SUCLG2: variants seen among roughly 807,000 people sequenced by gnomAD.
SUCLG2 encodes the protein succinate-CoA ligase GDP-forming subunit beta.
In SUCLG2, 42 loss-of-function variants were observed where a neutral mutation model predicts 47.9. That is an observed-to-expected ratio of 0.88 (90% CI 0.69 to 1.14). The LOEUF (loss-of-function observed/expected upper bound fraction) is 1.14. Among genes scored for constraint, SUCLG2 ranks in the 50% most tolerant of loss-of-function variants. SUCLG2 has a pLI of 0.00. For missense variants in SUCLG2, 571 were observed against 525.9 expected, an observed-to-expected ratio of 1.09 and a Z score of -0.84; for synonymous variants, 195 against 197.3, an observed-to-expected ratio of 0.99 and a Z score of 0.10.
At chr3:67,446,354 T>TAAAAAA (rs372575700) in intron 9 of SUCLG2, among the ~76,000 whole-genome samples, 193 of 17,402 alleles carry the variant, frequency 0.011, 46 homozygotes, top group South Asian at 0.046. Flanking sequence ...CATTTGTATA[T>TAAAAAA]AAAAAAAAAA....
intron 10 of SUCLG2, among the ~76,000 whole-genome samples, chr3:67,365,495 A>C (rs1302758783): frequency 6.6e-6 from 1 of 152,228 alleles, no homozygotes; most frequent in East Asian, 1.9e-4. Context: ...GACTTCAGTT[A>C]GCCCAGGAAG....
intron 9 of SUCLG2, among the ~76,000 whole-genome samples, chr3:67,489,635 G>A (rs191698304): frequency 9.2e-5 from 14 of 152,246 alleles, no homozygotes; most frequent in South Asian, 2.1e-4. Flanking sequence ...CACTATATTC[G>A]AAAATAAATT....
chr3:67,437,975 A>G (rs1703665953), intron 9 of SUCLG2, among the ~76,000 whole-genome samples: 1 of 152,142 alleles, frequency 6.6e-6, no homozygotes, highest in African/African-American at 2.4e-5. Flanking sequence ...ACTCACTTCT[A>G]GTGAAAAGAA....
At chr3:67,488,336 C>G (rs2107036997) in intron 9 of SUCLG2, among the ~76,000 whole-genome samples, 1 of 152,158 alleles carries the variant, frequency 6.6e-6, no homozygotes, top group South Asian at 2.1e-4. Context: ...GACCATCTTT[C>G]CTAATTCCTA....
chr3:67,391,631 G>A (rs1273993905), intron 10 of SUCLG2, among the ~76,000 whole-genome samples: 1 of 152,122 alleles, frequency 6.6e-6, no homozygotes, highest in Non-Finnish European at 1.5e-5. Context: ...GGGCCGAGTA[G>A]CTTTGAAAAC....
chr3:67,495,667 A>AAAT, intron 9 of SUCLG2, 131 bp downstream of exon 9: 1 of 1,062,026 alleles, frequency 9.4e-7, no homozygotes, highest in Non-Finnish European at 1.3e-6. Flanking sequence ...AAAAAAAAAA[A>AAAT]GATAGAAGTT....
intron 7 of SUCLG2, among the ~76,000 whole-genome samples, chr3:67,507,137 A>C (rs188033091): frequency 3.0e-4 from 45 of 152,334 alleles, no homozygotes; most frequent in African/African-American, 1.0e-3. Flanking sequence ...TAAGCTCAAG[A>C]AACAGCTTCT....
At chr3:67,551,677 G>A (rs570892364) in intron 2 of SUCLG2, among the ~76,000 whole-genome samples, 76 of 152,272 alleles carry the variant, frequency 5.0e-4, no homozygotes, top group Middle Eastern at 3.4e-3. Context: ...AGCATACACA[G>A]CTATCTGTCC....
intron 2 of SUCLG2, among the ~76,000 whole-genome samples, chr3:67,567,567 C>T (rs1214303870): frequency 6.6e-6 from 1 of 152,190 alleles, no homozygotes; most frequent in Non-Finnish European, 1.5e-5. Flanking sequence ...GCATAAGCTA[C>T]CTTGCCCAGC....
intron 9 of SUCLG2, among the ~76,000 whole-genome samples, chr3:67,416,998 T>C (rs996903638): frequency 3.3e-5 from 5 of 151,794 alleles, no homozygotes; most frequent in African/African-American, 7.3e-5. Context: ...AAAGTGGAGG[T>C]CTTGTGAAGT....
chr3:67,417,170 T>G (rs1317536930), intron 9 of SUCLG2, among the ~76,000 whole-genome samples: 1 of 152,268 alleles, frequency 6.6e-6, no homozygotes, highest in Non-Finnish European at 1.5e-5. Context: ...TACTGTTTGA[T>G]GTTTCACCAA....
rs1457049680 is a variant in SUCLG2 at position 67,446,421 on chromosome 3, T to G, written c.1063-45570A>C. ...TCTAAATATGTACATATGTACATTT[T>G]TTTTTTTTTTTTTTTTTTTTTTTTT... On this transcript the variant is annotated intron_variant, in intron 9 of 10. Coordinates refer to ENST00000307227, the MANE Select transcript of SUCLG2 (RefSeq NM_003848.4). Among the ~76,000 whole-genome samples, 336 of 69,550 alleles carry G rather than the reference T, an allele frequency of 4.8e-3. 6 individuals are homozygous for G. The highest frequency in any genetic ancestry group is 0.02 in the African/African-American group (269 of 13,782). The allele number at this position is 69,550 out of a possible 152,430, so 45.6% of individuals were successfully genotyped here. A position where few individuals can be genotyped will look rare whatever the true frequency, so the allele number is the denominator to read the frequency against.
rs143118022 is a variant in SUCLG2 at position 67,507,938 on chromosome 3, G to A, written c.757+869C>T. ...ACAGCAAAAGCTTGTGAATTTGTGT[G>A]TAGAACTCCACTTTACCCCTTACCA... On this transcript the variant is annotated intron_variant, in intron 7 of 10. Coordinates refer to ENST00000307227, the MANE Select transcript of SUCLG2 (RefSeq NM_003848.4). Among the ~76,000 whole-genome samples, 56 of 152,248 alleles carry A rather than the reference G, an allele frequency of 3.7e-4. 1 individual carries two copies. Among genetic ancestry groups the A allele is most frequent in the African/African-American group, 1.2e-3 (51 of 41,550 alleles).
intron 2 of SUCLG2, among the ~76,000 whole-genome samples, chr3:67,551,615 C>T (rs981282356): frequency 6.6e-6 from 1 of 152,022 alleles, no homozygotes; most frequent in African/African-American, 2.4e-5. Flanking sequence ...GGAAAATGAG[C>T]TGGGAAGCAA....
At position 67,600,023 on chromosome 3, in the gene SUCLG2, C is replaced by T. The variant is rs74415051; in HGVS notation, c.226+9432G>A. 9.0e-3 allele frequency among the ~76,000 whole-genome samples: 1,374 copies of T among 152,314 alleles called. 24 individuals carry two copies. Among genetic ancestry groups the T allele is most frequent in the African/African-American group, 0.031 (1,297 of 41,584 alleles). ...ACAACCACCTTGGGGAATAGTGTAG[C>T]ATCTTAAAAGCATAATTCCATATGT... On this transcript the variant is annotated intron_variant, in intron 2 of 10. Coordinates refer to ENST00000307227, the MANE Select transcript of SUCLG2 (RefSeq NM_003848.4).
chr3:67,466,205 TA>T (rs781039975), intron 9 of SUCLG2, among the ~76,000 whole-genome samples: 18 of 152,134 alleles, frequency 1.2e-4, no homozygotes, highest in African/African-American at 2.2e-4. Flanking sequence ...ATACAAAAGT[TA>T]GCCAGGCATG....
chr3:67,533,071 G>C (rs903720432), intron 2 of SUCLG2, among the ~76,000 whole-genome samples: 6 of 152,148 alleles, frequency 3.9e-5, no homozygotes, highest in Admixed American at 3.9e-4. Context: ...AATTTTCTTA[G>C]AGATGGCTTT....
At chr3:67,404,010 T>G (rs371287579) in intron 9 of SUCLG2, among the ~76,000 whole-genome samples, 4 of 152,326 alleles carry the variant, frequency 2.6e-5, no homozygotes, top group African/African-American at 9.6e-5. Flanking sequence ...CTCAGCCTCC[T>G]GAGTAGCTGG....
intron 9 of SUCLG2, among the ~76,000 whole-genome samples, chr3:67,421,654 G>A (rs567927670): frequency 6.6e-6 from 1 of 152,174 alleles, no homozygotes; most frequent in Non-Finnish European, 1.5e-5. Context: ...TTATATAAAT[G>A]TTTTACTGCT....
Sources: allele counts gnomAD v4.1 joint callset (sites outside exome capture counted in the v4.1 genomes callset), GRCh38; gene constraint gnomAD v4.1.1; transcripts MANE v1.5; gene names NCBI Gene and HGNC (gene_info 2026-07-23, HGNC 2026-07-21).